The following CLDN16 variants were observed in gnomAD, a reference collection of about 807,000 sequenced individuals.
CLDN16 encodes the protein claudin-16.
A neutral mutation model predicts 24.6 loss-of-function variants in CLDN16; 13 were observed. That is an observed-to-expected ratio of 0.53 (90% CI 0.34 to 0.84). CLDN16 has a LOEUF of 0.84. Ranked by LOEUF, CLDN16 falls within the 40% of genes least tolerant of loss-of-function variation. The probability of loss-of-function intolerance (pLI) is 0.01; values close to 1 mark genes in which losing one functional copy is unlikely to be tolerated. For synonymous variants in CLDN16, 116 were observed against 106.7 expected, an observed-to-expected ratio of 1.09 and a Z score of -0.54; for missense variants, 298 against 292.7, an observed-to-expected ratio of 1.02 and a Z score of -0.13.
intron 1 of CLDN16, among the ~76,000 whole-genome samples, chr3:190,350,465 A>G (rs1341485682): frequency 6.6e-6 from 1 of 152,068 alleles, no homozygotes; most frequent in African/African-American, 2.4e-5. Context: ...AAAAGCAACT[A>G]AGAATTGCTA....
At chr3:190,364,672 A>G (rs1717979870) in intron 1 of CLDN16, among the ~76,000 whole-genome samples, 1 of 151,890 alleles carries the variant, frequency 6.6e-6, no homozygotes, top group Admixed American at 6.6e-5. Context: ...CTCAAGTGGT[A>G]AGGCTGCCTG....
chr3:190,373,201 G>A (rs982887447), intron 2 of CLDN16, among the ~76,000 whole-genome samples: 7 of 151,186 alleles, frequency 4.6e-5, no homozygotes, highest in Non-Finnish European at 1.0e-4. Flanking sequence ...GCAGTGATAT[G>A]ATTTTTCTAA....
intron 1 of CLDN16, among the ~76,000 whole-genome samples, chr3:190,333,572 ATC>A (rs1717231408): frequency 4.1e-5 from 3 of 72,662 alleles, no homozygotes; most frequent in African/African-American, 5.8e-5. Flanking sequence ...CTATCTATCT[ATC>A]TATCTATCAA....
chr3:190,348,087 CAAAA>C (rs777398020), intron 1 of CLDN16, among the ~76,000 whole-genome samples: 18 of 97,448 alleles, frequency 1.8e-4, no homozygotes, highest in Admixed American at 3.2e-4. Context: ...ACTGAAAATA[CAAAA>C]AAAAAAAAAA....
At chr3:190,322,192 C>T (rs78025997), upstream of CLDN16, 863 of 1,613,872 alleles carry the variant, frequency 5.3e-4, 5 homozygotes, top group African/African-American at 0.01. Flanking sequence ...ACAGCTGCAG[C>T]CCCGCGTTGG....
At chr3:190,301,889 C>T in the CLDN16 span, among the ~76,000 whole-genome samples, 7 of 152,240 alleles carry the variant, frequency 4.6e-5, no homozygotes, top group Admixed American at 1.3e-4. Flanking sequence ...ACTCTTACTA[C>T]GTCTCAATTT....
chr3:190,356,843 A>G (rs898167363), intron 1 of CLDN16, among the ~76,000 whole-genome samples: 2 of 151,944 alleles, frequency 1.3e-5, no homozygotes, highest in African/African-American at 4.8e-5. Context: ...GGTTGAAAAT[A>G]TTTTATTATT....
At chr3:190,388,052 C>A, upstream of CLDN16, 1 of 1,451,646 alleles carries the variant, frequency 6.9e-7, no homozygotes, top group East Asian at 2.3e-5. Flanking sequence ...CTCCTCTCTC[C>A]CCCACCCGAA....
chr3:190,370,876 T>C (rs916770152), intron 1 of CLDN16: 1 of 151,700 alleles, frequency 6.6e-6, no homozygotes, highest in Non-Finnish European at 1.5e-5. Flanking sequence ...CCAGCCTACA[T>C]CTTTCTCCTG....
intron 1 of CLDN16, among the ~76,000 whole-genome samples, chr3:190,345,940 G>A (rs574921553): frequency 1.3e-5 from 2 of 152,072 alleles, no homozygotes; most frequent in South Asian, 2.1e-4. Flanking sequence ...TTGAGGTAGT[G>A]CTGAGCATAT....
At chr3:190,321,967 G>A (rs1716933885), upstream of CLDN16, 2 of 1,610,746 alleles carry the variant, frequency 1.2e-6, no homozygotes, top group Non-Finnish European at 1.7e-6. Flanking sequence ...GCCGCTGTGA[G>A]GTGGGGGTGC....
At chr3:190,321,426 A>G (rs1716918293), upstream of CLDN16, among the ~76,000 whole-genome samples, 1 of 152,204 alleles carries the variant, frequency 6.6e-6, no homozygotes, top group African/African-American at 2.4e-5. Context: ...TTATAAATTA[A>G]AAGAATCAAC....
At chr3:190,332,710 T>C (rs1262307868) in intron 1 of CLDN16, among the ~76,000 whole-genome samples, 3 of 151,300 alleles carry the variant, frequency 2.0e-5, no homozygotes, top group African/African-American at 7.3e-5. Flanking sequence ...ACTGGAAAAT[T>C]AAACAAGATA....
At chr3:190,382,561 A>G (rs1718392440) in intron 3 of CLDN16, among the ~76,000 whole-genome samples, 1 of 152,102 alleles carries the variant, frequency 6.6e-6, no homozygotes, top group African/African-American at 2.4e-5. Context: ...TGATCCTACC[A>G]CTATTTGAAC....
upstream of CLDN16, among the ~76,000 whole-genome samples, chr3:190,317,761 C>G (rs1049897480): frequency 1.5e-4 from 23 of 152,182 alleles, no homozygotes; most frequent in Admixed American, 3.9e-4. Flanking sequence ...TACAGAAAGT[C>G]AACCCTCCCT....
At chr3:190,334,013 T>C (rs1577398739) in intron 1 of CLDN16, among the ~76,000 whole-genome samples, 1 of 152,154 alleles carries the variant, frequency 6.6e-6, no homozygotes, top group Non-Finnish European at 1.5e-5. Flanking sequence ...AGAGTTGCCA[T>C]TAAAAAGATA....
At chr3:190,310,116 T>C in the CLDN16 span, 1 of 1,475,590 alleles carries the variant, frequency 6.8e-7, no homozygotes, top group Non-Finnish European at 9.5e-7. Context: ...TTGTAGAATA[T>C]AAAAAGGGCA....
intron 1 of CLDN16, among the ~76,000 whole-genome samples, chr3:190,335,517 A>G (rs1216299980): frequency 1.3e-5 from 2 of 152,132 alleles, no homozygotes; most frequent in East Asian, 3.9e-4. Context: ...GATCAAGACC[A>G]TCCTGGCCAA....
At chr3:190,293,423 G>A in the CLDN16 span, among the ~76,000 whole-genome samples, 1 of 152,184 alleles carries the variant, frequency 6.6e-6, no homozygotes, top group Non-Finnish European at 1.5e-5. Context: ...ATATTCCAAG[G>A]TGTAGAATTT....
Sources: gnomAD v4.1 joint callset for allele counts (sites outside exome capture counted in the v4.1 genomes callset) on GRCh38, gnomAD v4.1.1 for gene constraint, MANE v1.5 for transcripts, NCBI Gene and HGNC (gene_info 2026-07-23, HGNC 2026-07-21) for gene names.